Variants in ACTR3 observed in about 807,000 individuals in gnomAD.
The protein encoded by ACTR3 is actin related protein 3.
Under a neutral mutation model 56.8 loss-of-function variants are expected in ACTR3, and 12 were observed. The ratio of observed to expected loss-of-function variants is 0.21; its 90% CI spans 0.14 to 0.34. ACTR3 has a LOEUF of 0.34. ACTR3 is among the 10% of genes least tolerant of loss of function. The pLI, the probability that ACTR3 is intolerant of heterozygous loss-of-function variation, is 1.00. For missense variants in ACTR3, 282 were observed against 512.5 expected (o/e 0.55, Z 4.34); for synonymous variants, 162 against 167.4 (o/e 0.97, Z 0.25).
chr2:113,962,113 A>G lies in ACTR3; in HGVS notation c.*4658A>G, dbSNP rs900549667. On this transcript the variant is annotated 3_prime_UTR_variant, in exon 12 of 12. Transcript: ENST00000263238. ...AGTATACAACTTTTGTTCCTTCAAA[A>G]TACCCATATTTGTCAAATATGACCG... 3 of 152,048 alleles carry G rather than the reference A, an allele frequency of 2.0e-5. No homozygotes were observed. Among genetic ancestry groups the G allele is most frequent in the Admixed American group, 6.6e-5 (1 of 15,242 alleles). The allele number at this position is 152,048 out of a possible 1,614,324, so 9.4% of individuals were successfully genotyped here. A position where few individuals can be genotyped will look rare whatever the true frequency, so the allele number is the denominator to read the frequency against.
chr2:113,922,949 G>A (rs1336688708), intron 3 of ACTR3, among the ~76,000 whole-genome samples: 1 of 152,206 alleles, frequency 6.6e-6, no homozygotes, highest in African/African-American at 2.4e-5. Context: ...AGAGGTGATA[G>A]TGATGATGAT....
chr2:113,938,739 G>C (rs1484370466), intron 6 of ACTR3, among the ~76,000 whole-genome samples: 1 of 152,112 alleles, frequency 6.6e-6, no homozygotes, highest in Non-Finnish European at 1.5e-5. Flanking sequence ...TCAGTATTCA[G>C]TTAAGGAGGT....
chr2:113,943,780 T>A (rs923674211), intron 8 of ACTR3, among the ~76,000 whole-genome samples: 1 of 152,030 alleles, frequency 6.6e-6, no homozygotes, highest in East Asian at 1.9e-4. Flanking sequence ...GTAGGTGAAA[T>A]AGACAAAGAT....
chr2:113,940,886 T>C (rs898124631), intron 7 of ACTR3, among the ~76,000 whole-genome samples: 2 of 150,026 alleles, frequency 1.3e-5, no homozygotes, highest in African/African-American at 4.9e-5. Flanking sequence ...AGTGGCACAC[T>C]CGTGGCTCAC....
intron 2 of ACTR3, among the ~76,000 whole-genome samples, chr2:113,916,283 C>G (rs944132384): frequency 3.9e-5 from 6 of 152,238 alleles, no homozygotes; most frequent in South Asian, 2.1e-4. Context: ...TTTTAGCTTT[C>G]AAACTGTATG....
intron 6 of ACTR3, among the ~76,000 whole-genome samples, chr2:113,936,635 A>G (rs1003815638): frequency 2.0e-5 from 3 of 152,170 alleles, no homozygotes; most frequent in Admixed American, 6.5e-5. Flanking sequence ...TCAATAATAC[A>G]TTGTTAACTT....
In ACTR3 at chr2:113,927,427, C is replaced by T; in HGVS notation, c.308C>T (p.Ala103Val). ...CAAGTGATCTTTAAATATTTAAGGG[C>T]AGAACCTGAAGACCATTATTTTCTT... Reference protein sequence around the residue: ...MEQVIFKYLRAEPEDHYFLLT... With the variant: ...MEQVIFKYLRVEPEDHYFLLT... Residue 103 changes from alanine (A) to valine (V), a missense_variant, in exon 4 of 12, where the codon GCA becomes GTA. By Grantham distance (64) the Ala-to-Val change is moderately conservative. Coordinates refer to ENST00000263238, the MANE Select transcript of ACTR3 (RefSeq NM_005721.5). 1.3e-6 allele frequency: 2 copies of T among 1,593,270 alleles called. No homozygotes were observed. Among genetic ancestry groups the T allele is most frequent in the Non-Finnish European group, 1.7e-6 (2 of 1,168,064 alleles).
chr2:113,910,668 G>T (rs1386693742), intron 1 of ACTR3, among the ~76,000 whole-genome samples: 1 of 152,138 alleles, frequency 6.6e-6, no homozygotes, highest in Non-Finnish European at 1.5e-5. Context: ...TTGCTTTTTT[G>T]TTGTTGGGAG....
chr2:113,952,055 C>A, intron 10 of ACTR3: 1 of 622,882 alleles, frequency 1.6e-6, no homozygotes, highest in South Asian at 3.3e-5. Flanking sequence ...GAAAATAATT[C>A]TTAGTAATAC....
chr2:113,892,786 G>T (rs1678930480), intron 1 of ACTR3, among the ~76,000 whole-genome samples: 1 of 152,044 alleles, frequency 6.6e-6, no homozygotes, highest in Non-Finnish European at 1.5e-5. Flanking sequence ...CCTGAATCAG[G>T]TTGCTCATTT....
chr2:113,918,029 G>T (rs933608312), intron 3 of ACTR3, among the ~76,000 whole-genome samples: 2 of 152,150 alleles, frequency 1.3e-5, no homozygotes, highest in African/African-American at 4.8e-5. Flanking sequence ...ATATGAAAAG[G>T]CTTTACAGTA....
intron 1 of ACTR3, among the ~76,000 whole-genome samples, chr2:113,911,965 G>A (rs1348618522): frequency 1.3e-5 from 2 of 152,074 alleles, no homozygotes; most frequent in Non-Finnish European, 2.9e-5. Context: ...TCGAACTCCT[G>A]TCCTGGTCCC....
intron 1 of ACTR3, among the ~76,000 whole-genome samples, chr2:113,891,519 G>GT (rs968444149): frequency 1.3e-4 from 20 of 148,968 alleles, no homozygotes; most frequent in Non-Finnish European, 1.5e-4. Context: ...TAGGAAAGTG[G>GT]TTTTTTTTTC....
At position 113,893,783 on chromosome 2, in the gene ACTR3, A is replaced by T. The variant is rs74788038; in HGVS notation, c.44+3460A>T. Among the ~76,000 whole-genome samples the T allele has an allele frequency of 2.4e-4, 37 of 152,212 alleles. 1 individual carries two copies. In the East Asian group the frequency reaches 6.8e-3, roughly 28 times the overall value. On this transcript the variant is annotated intron_variant, in intron 1 of 11. Coordinates refer to ENST00000263238, the MANE Select transcript of ACTR3 (RefSeq NM_005721.5). ...TATTGGTAAATTAGTTCCACTGATT[A>T]TGATAGCAGAGGTTAATATAGCCCT...
At chr2:113,909,718 G>A (rs1475042472) in intron 1 of ACTR3, among the ~76,000 whole-genome samples, 2 of 151,606 alleles carry the variant, frequency 1.3e-5, no homozygotes, top group African/African-American at 2.4e-5. Flanking sequence ...AGTAGCAGGT[G>A]TAGTATGCTT....
chr2:113,942,038 CAA>C (rs1012853975), intron 7 of ACTR3, 146 bp from the exon 8 acceptor site: 1 of 583,606 alleles, frequency 1.7e-6, no homozygotes, highest in Non-Finnish European at 2.7e-6. Context: ...AATATCCTAA[CAA>C]ATTTTTCTTC....
At chr2:113,918,608 A>G (rs1373217122) in intron 3 of ACTR3, among the ~76,000 whole-genome samples, 1 of 150,768 alleles carries the variant, frequency 6.6e-6, no homozygotes, top group Non-Finnish European at 1.5e-5. Context: ...CTGGTCTTGA[A>G]CTCCTGGGCT....
intron 8 of ACTR3, among the ~76,000 whole-genome samples, chr2:113,948,261 C>CA (rs1241161215): frequency 6.6e-6 from 1 of 152,122 alleles, no homozygotes; most frequent in Non-Finnish European, 1.5e-5. Context: ...GTGATCCTCT[C>CA]ACCTCAGACT....
intron 1 of ACTR3, chr2:113,904,672 G>C (rs1327730745): frequency 6.6e-6 from 1 of 152,198 alleles, no homozygotes; most frequent in African/African-American, 2.4e-5. Context: ...GTTTTCGTAA[G>C]TGGCTGCATC....
Sources: allele counts gnomAD v4.1 joint callset (sites outside exome capture counted in the v4.1 genomes callset), GRCh38; gene constraint gnomAD v4.1.1; transcripts MANE v1.5; gene names NCBI Gene and HGNC (gene_info 2026-07-23, HGNC 2026-07-21).